Variants in IREB2 observed in about 807,000 individuals in gnomAD.
The protein encoded by IREB2 is iron-responsive element-binding protein 2.
A neutral mutation model predicts 118.8 loss-of-function variants in IREB2; 39 were observed. That is an observed-to-expected ratio of 0.33 (90% CI 0.25 to 0.43). The LOEUF is 0.43. Among genes scored for constraint, IREB2 ranks in the 20% least tolerant of loss-of-function variants. IREB2 has a pLI of 1.00. For missense variants in IREB2, 900 were observed against 1,147.3 expected (o/e 0.78, Z 3.11); for synonymous variants, 372 against 392.2 (o/e 0.95, Z 0.61).
chr15:78,439,246 T>A (rs1161533418), intron 1 of IREB2, among the ~76,000 whole-genome samples: 1 of 152,218 alleles, frequency 6.6e-6, no homozygotes, highest in African/African-American at 2.4e-5. Flanking sequence ...TTATTTTCAG[T>A]ACTAAGCCCT....
chr15:78,454,089 G>C (rs1453800200), intron 2 of IREB2, among the ~76,000 whole-genome samples: 1 of 152,134 alleles, frequency 6.6e-6, no homozygotes, highest in Non-Finnish European at 1.5e-5. Flanking sequence ...ACTGCTAGTG[G>C]GAATGTAAAA....
rs1320156605 is a variant in IREB2, at chr15:78,490,493, T to C, written c.2148T>C (p.Thr716=). 6.2e-7 allele frequency: 1 copy of C among 1,608,256 alleles called. No homozygotes were observed. The highest frequency in any genetic ancestry group is 1.7e-5 in the Admixed American group (1 of 58,306). ...TGTTTCCATGGGACTTAAAGTCTAC[T>C]TATATCAGATGCCCTTCATTTTTTG... ...SVLFPWDLKS[T]YIRCPSFFDK... Residue 716 remains threonine (T), a synonymous_variant, in exon 17 of 22, where the codon ACT becomes ACC. Transcript: ENST00000258886.
intron 9 of IREB2, among the ~76,000 whole-genome samples, chr15:78,477,560 AT>A (rs1655943709): frequency 6.6e-6 from 1 of 152,182 alleles, no homozygotes; most frequent in Non-Finnish European, 1.5e-5. Context: ...GTAAATGAAT[AT>A]GTAAATAGTA....
rs1449533576 is a variant in IREB2 at position 78,466,328 on chromosome 15, C to G, written c.468C>G (p.Leu156=). ...GTGACCTGCAGAAAGCAGGAAAGCT[C>G]TCTCCACTTAAAGTGCAGCCTAAGA... ...GGGDLQKAGK[L]SPLKVQPKKL... is the part of the protein sequence containing the mutation. Residue 156 remains leucine (L), a synonymous_variant, in exon 5 of 22, where the codon CTC becomes CTG. Coordinates refer to ENST00000258886, the MANE Select transcript of IREB2 (RefSeq NM_004136.4). The G allele has an allele frequency of 2.5e-6, 4 of 1,613,878 alleles. No individual in the cohort carries two copies. The highest frequency in any genetic ancestry group is 3.4e-6 in the Non-Finnish European group (4 of 1,179,820).
intron 2 of IREB2, among the ~76,000 whole-genome samples, chr15:78,457,891 T>TA (rs1476011354): frequency 1.3e-5 from 2 of 152,212 alleles, no homozygotes; most frequent in East Asian, 3.8e-4. Context: ...CCAAATGTTC[T>TA]ATTAAAAAAT....
intron 3 of IREB2, among the ~76,000 whole-genome samples, chr15:78,463,404 G>T (rs1043931813): frequency 1.3e-5 from 2 of 152,078 alleles, no homozygotes; most frequent in African/African-American, 4.8e-5. Context: ...TCACACCACT[G>T]CACTCCAGCC....
At chr15:78,478,197 G>GCGCTC in intron 9 of IREB2, 100 bp from the exon 10 acceptor site, 1 of 753,904 alleles carries the variant, frequency 1.3e-6, no homozygotes, top group South Asian at 1.7e-5. Flanking sequence ...TTGCAGCACT[G>GCGCTC]CGCTCCAGCC....
intron 2 of IREB2, among the ~76,000 whole-genome samples, chr15:78,453,474 T>G (rs1009216320): frequency 2.6e-5 from 4 of 151,892 alleles, no homozygotes; most frequent in Admixed American, 2.6e-4. Context: ...TAGGAGCTGT[T>G]TAAATGTTGA....
At chr15:78,447,882 G>A (rs1035315937) in intron 2 of IREB2, among the ~76,000 whole-genome samples, 6 of 152,174 alleles carry the variant, frequency 3.9e-5, no homozygotes, top group African/African-American at 9.6e-5. Flanking sequence ...TGTGCTTGGC[G>A]AACTCCCTGT....
chr15:78,466,570 C>G lies in IREB2; in HGVS notation c.629+81C>G, dbSNP rs570046851. 17 of 903,550 alleles carry G rather than the reference C, an allele frequency of 1.9e-5. No individual in the cohort carries two copies. The East Asian group carries it at 3.8e-4, about 20-fold the overall frequency. The allele number at this position is 903,550 out of a possible 1,614,324, so 56.0% of individuals were successfully genotyped here. On this transcript the variant is annotated intron_variant, in intron 5 of 21. Transcript: ENST00000258886. ...AAATCAAATTTATTCTCTTCCCACC[C>G]AATTACTATTATGTTACCTTCACAC...
intron 2 of IREB2, among the ~76,000 whole-genome samples, chr15:78,450,824 TTGTGTGTGTGTG>T (rs35092289): frequency 0.016 from 2,081 of 134,106 alleles, 30 homozygotes; most frequent in African/African-American, 0.04. Context: ...ATTAACAAAT[TTGTGTGTGTGTG>T]TGTGTGTGTG....
At chr15:78,477,004 A>G (rs1487883259) in intron 9 of IREB2, among the ~76,000 whole-genome samples, 1 of 152,120 alleles carries the variant, frequency 6.6e-6, no homozygotes, top group African/African-American at 2.4e-5. Flanking sequence ...CTAAGTATAG[A>G]TATTTATTTG....
intron 2 of IREB2, among the ~76,000 whole-genome samples, chr15:78,452,363 C>G (rs2051039950): frequency 6.6e-6 from 1 of 152,134 alleles, no homozygotes; most frequent in Non-Finnish European, 1.5e-5. Flanking sequence ...TAAACATGTT[C>G]ACCTCCTGAA....
intron 18 of IREB2, among the ~76,000 whole-genome samples, 181 bp from the exon 19 acceptor site, chr15:78,493,720 GACTGTAGA>G (rs1383359075): frequency 1.3e-5 from 2 of 152,022 alleles, no homozygotes; most frequent in African/African-American, 4.8e-5. Flanking sequence ...TAATGGGGTT[GACTGTAGA>G]AGAAACGGAG....
At chr15:78,485,216 A>T (rs1168460347) in intron 12 of IREB2, among the ~76,000 whole-genome samples, 4 of 152,260 alleles carry the variant, frequency 2.6e-5, no homozygotes, top group South Asian at 2.1e-4. Flanking sequence ...ATTATCTAGA[A>T]GTTAACCATA....
chr15:78,470,835 C>G (rs1201745363), intron 6 of IREB2: 2 of 300,964 alleles, frequency 6.6e-6, no homozygotes, highest in Non-Finnish European at 1.2e-5. Context: ...GCTGGGATTA[C>G]AGGCGCACAC....
chr15:78,471,805 TA>T lies in IREB2; in HGVS notation c.767del (p.Asn256ThrfsTer2). Reference protein sequence around the residue: ...IPPGTGMAHQINLEYLSRVVF... With the variant: ...IPPGTGMAHQXNLEYLSRVVF... The stretch of plus-strand genomic sequence containing the variant: ...CCTGGAACTGGAATGGCTCATCAAA[TA>T]AACTTAGAATATTTGTCAAGAGTGG... On this transcript the variant is annotated frameshift_variant, in exon 7 of 22. Transcript: ENST00000258886. LOFTEE classifies it high-confidence loss of function. 6.2e-7 allele frequency: 1 copy of T among 1,613,750 alleles called. No individual in the cohort carries two copies. Among genetic ancestry groups the T allele is most frequent in the Non-Finnish European group, 8.5e-7 (1 of 1,179,742 alleles).
chr15:78,460,050 T>A lies in IREB2; in HGVS notation c.107-2872T>A, dbSNP rs574621649. On this transcript the variant is annotated intron_variant, in intron 2 of 21. Transcript: ENST00000258886. The stretch of plus-strand genomic sequence containing the variant: ...ACACTTCCTAGTTGGAACATGTAGT[T>A]TTTTGTTTCATCAGGAGGCAAATAA... 4.6e-5 allele frequency among the ~76,000 whole-genome samples: 7 copies of A among 152,356 alleles called. No individual in the cohort carries two copies. In the East Asian group the frequency reaches 1.2e-3, roughly 25 times the overall value.
At chr15:78,438,510 C>T (rs2050791182) in intron 1 of IREB2, 154 bp downstream of exon 1, 1 of 825,988 alleles carries the variant, frequency 1.2e-6, no homozygotes, top group Non-Finnish European at 2.0e-6. Context: ...TGCTGGGCCG[C>T]CCTTTGAGCC....
Sources: gnomAD v4.1 joint callset for allele counts (sites outside exome capture counted in the v4.1 genomes callset) on GRCh38, gnomAD v4.1.1 for gene constraint, MANE v1.5 for transcripts, NCBI Gene and HGNC (gene_info 2026-07-23, HGNC 2026-07-21) for gene names.